GRAMD1A: variants seen among roughly 807,000 people sequenced by gnomAD.
The protein encoded by GRAMD1A is GRAM domain containing 1A.
Under a neutral mutation model 92.0 loss-of-function variants are expected in GRAMD1A, and 50 were observed. The ratio of observed to expected loss-of-function variants is 0.54; its 90% CI spans 0.43 to 0.69. The LOEUF is 0.69. Among genes scored for constraint, GRAMD1A ranks in the 30% least tolerant of loss-of-function variants. The pLI, the probability that GRAMD1A is intolerant of heterozygous loss-of-function variation, is 0.00. For synonymous variants in GRAMD1A, 405 were observed against 403.6 expected (o/e 1.00, Z -0.04); for missense variants, 819 against 978.9 (o/e 0.84, Z 2.18).
Position 35,026,417 on chromosome 19 carries a change from A to C in GRAMD1A, c.*276A>C, listed in dbSNP as rs1028346423. ...GCACGATTCCCTCAGCTCTGGGTTT[A>C]ATGTATTATATTTATTTGGGGCCGA... On this transcript the variant is annotated 3_prime_UTR_variant, in exon 20 of 20. Transcript: ENST00000317991. 13 of 502,910 alleles carry C rather than the reference A, an allele frequency of 2.6e-5. No homozygotes were observed. Among genetic ancestry groups the C allele is most frequent in the African/African-American group, 1.7e-4 (9 of 52,202 alleles). 31.2% of individuals were successfully genotyped at this position (502,910 alleles called of 1,614,324 possible).
intron 1 of GRAMD1A, among the ~76,000 whole-genome samples, chr19:35,007,461 G>C (rs550962405): frequency 6.6e-6 from 1 of 152,292 alleles, no homozygotes; most frequent in South Asian, 2.1e-4. Flanking sequence ...GGGAGGCTGG[G>C]GCGGAAGAAT....
intron 6 of GRAMD1A, among the ~76,000 whole-genome samples, chr19:35,010,969 G>A (rs2015188226): frequency 6.6e-6 from 1 of 151,922 alleles, no homozygotes; most frequent in African/African-American, 2.4e-5. Flanking sequence ...GTGGTGGCAC[G>A]CACCTGTAGT....
rs781673334 is a variant in GRAMD1A at position 35,009,409 on chromosome 19, C to T, written c.220-14C>T. On this transcript the variant is annotated splice_polypyrimidine_tract_variant and intron_variant, in intron 2 of 19. Coordinates refer to ENST00000317991, the MANE Select transcript of GRAMD1A (RefSeq NM_020895.5). ...TCTAGGGGCTCATCCTGACTCCTCT[C>T]CTTTTCTTTGCAGAAGATGCAGAGC... 2 of 1,613,996 alleles carry T rather than the reference C, an allele frequency of 1.2e-6. No individual in the cohort carries two copies. Among genetic ancestry groups the T allele is most frequent in the Admixed American group, 1.7e-5 (1 of 60,000 alleles).
At chr19:35,014,638 G>T in intron 10 of GRAMD1A, 1 of 555,552 alleles carries the variant, frequency 1.8e-6, no homozygotes, top group South Asian at 2.1e-5. Context: ...ACCATGTCAC[G>T]TGGGCAAATT....
intron 9 of GRAMD1A, 45 bp from the exon 10 acceptor site, chr19:35,014,144 G>T (rs747210499): frequency 1.4e-5 from 21 of 1,553,486 alleles, no homozygotes; most frequent in Middle Eastern, 2.3e-4. Context: ...GAGCCCTGGG[G>T]CTGGGATGGA....
At chr19:35,020,057 T>A (rs2015938065) in intron 13 of GRAMD1A, among the ~76,000 whole-genome samples, 1 of 151,932 alleles carries the variant, frequency 6.6e-6, no homozygotes, top group African/African-American at 2.4e-5. Context: ...GGGCAATGGC[T>A]GGAGTGGAGT....
At position 35,021,821 on chromosome 19, in the gene GRAMD1A, C is replaced by G. The variant is rs1287358038; in HGVS notation, c.1710C>G (p.His570Gln). The change falls in exon 15 of 20, where the codon CAC (histidine) becomes CAG (glutamine). Residue 570 changes from histidine to glutamine, a missense_variant. His to Gln is a conservative substitution (Grantham distance 24). This residue lies in a region of GRAMD1A where 577 missense variants were observed against 674.6 expected (regional missense o/e 0.86). Transcript: ENST00000317991. This position sits in a 1 kb window ranked among gnomAD's most constrained non-coding sequence, Gnocchi z 5.3. ...GGGCTCACGGGGACGGGCCCCAGCA[C>G]CCAGATCCTGACCCCTGTGCCCGGG... ...SWRAHGDGPQ[H>Q]PDPDPCARAG... 6.2e-7 allele frequency: 1 copy of G among 1,607,852 alleles called. No individual in the cohort carries two copies. Among genetic ancestry groups the G allele is most frequent in the African/African-American group, 1.3e-5 (1 of 74,944 alleles).
chr19:35,002,250 C>T (rs2014425584), intron 1 of GRAMD1A, among the ~76,000 whole-genome samples: 1 of 152,082 alleles, frequency 6.6e-6, no homozygotes, highest in Non-Finnish European at 1.5e-5. Context: ...GCATGTGCCA[C>T]GCATTATTCC....
In GRAMD1A at chr19:35,021,840, G is replaced by T. The variant is rs2016081093; in HGVS notation, c.1729G>T (p.Ala577Ser). 1 of 1,603,626 alleles carries T rather than the reference G, an allele frequency of 6.2e-7. No individual in the cohort carries two copies. Among genetic ancestry groups the T allele is most frequent in the Non-Finnish European group, 8.5e-7 (1 of 1,174,176 alleles). Reference protein sequence around the residue: ...GPQHPDPDPCARAGIHTSGSL... With the variant: ...GPQHPDPDPCSRAGIHTSGSL... Reference sequence around the variant, plus strand: ...CCAGCACCCAGATCCTGACCCCTGTGCCCGGGCCGGCATTCACACCTCGGG... The same window carrying T: ...CCAGCACCCAGATCCTGACCCCTGTTCCCGGGCCGGCATTCACACCTCGGG... Residue 577 changes from alanine (A) to serine (S), a missense_variant, in exon 15 of 20, where the codon GCC becomes TCC. Around this residue, in one of 3 missense-constraint regions of GRAMD1A, gnomAD observed 577 missense variants for 674.6 expected, o/e 0.86. Transcript: ENST00000317991. The surrounding 1 kb of genome is among the most constrained non-coding windows in gnomAD (Gnocchi z 5.3).
chr19:35,010,604 A>C (rs770003328), intron 6 of GRAMD1A: 32 of 598,160 alleles, frequency 5.3e-5, no homozygotes, highest in Non-Finnish European at 8.6e-5. Flanking sequence ...CAGGAACAGC[A>C]GAAATAGTAA....
chr19:35,019,418 G>A lies in GRAMD1A; in HGVS notation c.1360G>A (p.Gly454Ser), dbSNP rs759830313. 72 of 1,613,782 alleles carry A rather than the reference G, an allele frequency of 4.5e-5. No individual in the cohort carries two copies. Among genetic ancestry groups the A allele is most frequent in the African/African-American group, 5.3e-5 (4 of 74,916 alleles). Residue 454 changes from glycine (G) to serine (S), a missense_variant, in exon 13 of 20, where the codon GGC becomes AGC. By Grantham distance (56) the Gly-to-Ser change is moderately conservative. This residue lies in a region of GRAMD1A where 577 missense variants were observed against 674.6 expected (regional missense o/e 0.86). Coordinates refer to ENST00000317991, the MANE Select transcript of GRAMD1A (RefSeq NM_020895.5). The stretch of plus-strand genomic sequence containing the variant: ...GCTGTTCCGGCGCGGCCCCCAGGCC[G>A]GCGGGTGTGTGGTGGACTCCGAGGT... ...QTLFRRGPQAGGCVVDSEVLT... is the reference protein window; with the variant it reads ...QTLFRRGPQASGCVVDSEVLT...
intron 13 of GRAMD1A, 23 bp downstream of exon 13, chr19:35,019,556 C>T (rs1343553817): frequency 6.2e-7 from 1 of 1,611,626 alleles, no homozygotes; most frequent in South Asian, 1.1e-5. Flanking sequence ...TGGGCCCCTC[C>T]ACCCGATGCC....
rs7254674 is a variant in GRAMD1A, at chr19:35,014,173, G to A, written c.871-16G>A. On this transcript the variant is annotated splice_polypyrimidine_tract_variant and intron_variant, in intron 9 of 19. Coordinates refer to ENST00000317991, the MANE Select transcript of GRAMD1A (RefSeq NM_020895.5). ...GGATGGAGGTGGCCAAGGCTGCATC[G>A]GGCCTTTCTCCACAGGCAGAGGAGG... 6.3e-3 allele frequency: 10,139 copies of A among 1,610,218 alleles called. 432 individuals are homozygous for A. The South Asian group carries it at 0.083, about 13-fold the overall frequency.
chr19:35,013,331 GAGGACTATGTCT>G lies in GRAMD1A; in HGVS notation c.683_694del (p.Glu228_Ser232delinsAla). The G allele has an allele frequency of 6.4e-7, 1 of 1,555,374 alleles. No individual in the cohort carries two copies. The highest frequency in any genetic ancestry group is 8.7e-7 in the Non-Finnish European group (1 of 1,148,406). On this transcript the variant is annotated inframe_deletion, in exon 8 of 20. Transcript: ENST00000317991. The surrounding 1 kb of genome is among the most constrained non-coding windows in gnomAD (Gnocchi z 4.9). ...AGAGCTGGGCCTCACCAGTGAGGAT[GAGGACTATGTCT>G]CCCCCTTGCAGCTGAACGGTCTGGG...
intron 1 of GRAMD1A, chr19:35,002,885 T>A (rs984395401): frequency 1.3e-5 from 2 of 152,372 alleles, no homozygotes; most frequent in African/African-American, 4.8e-5. Flanking sequence ...TCTTTGGCTC[T>A]TTGCTGAGAC....
At chr19:35,006,532 A>ATCCCCACAGTCCTTATTACAG (rs1184051555) in intron 1 of GRAMD1A, among the ~76,000 whole-genome samples, 5 of 152,308 alleles carry the variant, frequency 3.3e-5, no homozygotes, top group African/African-American at 9.6e-5. Context: ...TCCCAACGCC[A>ATCCCCACAGTCCTTATTACAG]TCCCCACAGT....
At chr19:35,006,949 G>A (rs920649022) in intron 1 of GRAMD1A, among the ~76,000 whole-genome samples, 3 of 152,218 alleles carry the variant, frequency 2.0e-5, no homozygotes, top group African/African-American at 7.2e-5. Flanking sequence ...TTCAGGCGGA[G>A]GGACTACAAA....
chr19:35,005,390 G>A (rs2014734897), intron 1 of GRAMD1A, among the ~76,000 whole-genome samples: 2 of 152,072 alleles, frequency 1.3e-5, no homozygotes, highest in South Asian at 2.1e-4. Context: ...GGGGAGCCCT[G>A]TGGATGTGGA....
chr19:35,010,737 G>T, intron 6 of GRAMD1A: 2 of 524,348 alleles, frequency 3.8e-6, no homozygotes, highest in Non-Finnish European at 6.7e-6. Flanking sequence ...CTCACCAGCG[G>T]TCCAACAAGA....
Sources: allele counts gnomAD v4.1 joint callset (sites outside exome capture counted in the v4.1 genomes callset), GRCh38; gene constraint gnomAD v4.1.1; regional missense constraint gnomAD v4.1.1; non-coding constraint Gnocchi (gnomAD v3.1); transcripts MANE v1.5; gene names NCBI Gene and HGNC (gene_info 2026-07-23, HGNC 2026-07-21).